Variants in CNTN4 observed in about 807,000 individuals in gnomAD.
The protein encoded by CNTN4 is contactin 4.
CNTN4 carries 77 observed loss-of-function variants against 122.5 expected under a neutral mutation model. That is an observed-to-expected ratio of 0.63 (90% CI 0.52 to 0.76). The LOEUF (loss-of-function observed/expected upper bound fraction) is 0.76. CNTN4 is among the 30% of genes least tolerant of loss of function. The pLI is 0.00. For missense variants in CNTN4, 1,256 were observed against 1,259.1 expected (o/e 1.00, Z 0.04); for synonymous variants, 512 against 447.0 (o/e 1.15, Z -1.83).
intron 2 of CNTN4, among the ~76,000 whole-genome samples, chr3:2,202,805 G>A (rs2038160727): frequency 6.6e-6 from 1 of 151,498 alleles, no homozygotes; most frequent in South Asian, 2.1e-4. Flanking sequence ...GAATTGCCAT[G>A]TGTTTTTTGT....
chr3:2,713,872 A>T (rs771644012), intron 4 of CNTN4, among the ~76,000 whole-genome samples: 1 of 152,320 alleles, frequency 6.6e-6, no homozygotes, highest in Non-Finnish European at 1.5e-5. Context: ...TTGCCTTGGG[A>T]AAGGAACTTA....
Position 2,842,038 on chromosome 3 carries a change from C to T in CNTN4, c.454+22457C>T, listed in dbSNP as rs374767722. 7.2e-5 allele frequency among the ~76,000 whole-genome samples: 11 copies of T among 152,032 alleles called. 1 individual carries two copies. The South Asian group carries it at 2.3e-3, about 32-fold the overall frequency. ...ATGTTATTGAAGAGAAAATATTGAG[C>T]CTTCATCACCATTTAAAATATTCTT... On this transcript the variant is annotated intron_variant, in intron 7 of 24. Coordinates refer to ENST00000418658, the MANE Select transcript of CNTN4 (RefSeq NM_175607.3).
At chr3:3,017,532 C>T (rs1422525876) in intron 14 of CNTN4, among the ~76,000 whole-genome samples, 3 of 152,206 alleles carry the variant, frequency 2.0e-5, no homozygotes, top group Non-Finnish European at 4.4e-5. Flanking sequence ...CTTCCAGGAA[C>T]CTGGGGCAGA....
At chr3:2,105,573 G>A (rs2032372285) in intron 2 of CNTN4, among the ~76,000 whole-genome samples, 2 of 152,106 alleles carry the variant, frequency 1.3e-5, no homozygotes, top group Admixed American at 1.3e-4. Context: ...GATCTCATGA[G>A]AACTCACAAT....
intron 7 of CNTN4, among the ~76,000 whole-genome samples, chr3:2,829,787 T>C (rs2093063988): frequency 6.6e-6 from 1 of 152,230 alleles, no homozygotes; most frequent in Non-Finnish European, 1.5e-5. Flanking sequence ...ATTATAGTCT[T>C]TTTATAGCTG....
chr3:2,854,418 G>C (rs184541148), intron 7 of CNTN4, among the ~76,000 whole-genome samples: 1 of 142,802 alleles, frequency 7.0e-6, no homozygotes, highest in African/African-American at 2.7e-5. Flanking sequence ...GATTACAGGC[G>C]CCTGCCACCA....
At chr3:2,594,629 C>G (rs2080674346) in intron 4 of CNTN4, among the ~76,000 whole-genome samples, 1 of 145,052 alleles carries the variant, frequency 6.9e-6, no homozygotes, top group South Asian at 2.4e-4. Context: ...ACCATGTTGG[C>G]CAGGCTGGTC....
chr3:2,451,328 T>C (rs1304430203), intron 3 of CNTN4, among the ~76,000 whole-genome samples: 4 of 152,062 alleles, frequency 2.6e-5, no homozygotes, highest in African/African-American at 9.7e-5. Flanking sequence ...TAATGTCTTT[T>C]GTAGGATTAT....
chr3:2,771,862 C>G (rs2091115874), intron 6 of CNTN4, among the ~76,000 whole-genome samples: 1 of 152,076 alleles, frequency 6.6e-6, no homozygotes, highest in African/African-American at 2.4e-5. Flanking sequence ...AGTAGGCTCC[C>G]CAAGAGAGAC....
intron 2 of CNTN4, among the ~76,000 whole-genome samples, chr3:2,146,229 A>G (rs553288179): frequency 9.3e-4 from 139 of 149,594 alleles, no homozygotes; most frequent in African/African-American, 2.6e-3. Flanking sequence ...ATTGACTTCT[A>G]TTAATTCAGT....
intron 7 of CNTN4, among the ~76,000 whole-genome samples, chr3:2,849,714 G>A (rs1252846991): frequency 2.0e-5 from 3 of 152,166 alleles, no homozygotes; most frequent in Admixed American, 6.5e-5. Flanking sequence ...AGGAATGCAC[G>A]TGATATATGA....
At position 2,662,313 on chromosome 3, in the gene CNTN4, T is replaced by C. The variant is rs141355788; in HGVS notation, c.56-73902T>C. ...TTACTAGAAATTTAGATCTCACTCA[T>C]ATAAGATTCAATGGAGGAGAGTGGC... On this transcript the variant is annotated intron_variant, in intron 4 of 24. Transcript: ENST00000418658. Among the ~76,000 whole-genome samples, 263 of 152,296 alleles carry C rather than the reference T, an allele frequency of 1.7e-3. 2 individuals are homozygous for C. The highest frequency in any genetic ancestry group is 7.7e-4 in the East Asian group (4 of 5,180).
chr3:2,808,927 C>T (rs78708654), intron 6 of CNTN4, among the ~76,000 whole-genome samples: 1,582 of 152,188 alleles, frequency 0.01, 41 homozygotes, highest in African/African-American at 0.036. Flanking sequence ...CAAGAAAGTT[C>T]ACCCTAGTCC....
intron 6 of CNTN4, among the ~76,000 whole-genome samples, chr3:2,784,564 G>C (rs2149897029): frequency 6.6e-6 from 1 of 152,270 alleles, no homozygotes; most frequent in East Asian, 1.9e-4. Context: ...TGCACTCTAA[G>C]GAAAGAAAGA....
intron 2 of CNTN4, among the ~76,000 whole-genome samples, chr3:2,200,420 C>T (rs899802578): frequency 2.6e-5 from 4 of 152,072 alleles, no homozygotes; most frequent in Non-Finnish European, 5.9e-5. Flanking sequence ...TGTTTCCTCC[C>T]GGGACATTTG....
chr3:2,824,024 G>A (rs1001277146), intron 7 of CNTN4, among the ~76,000 whole-genome samples: 3 of 152,044 alleles, frequency 2.0e-5, no homozygotes, highest in Admixed American at 6.5e-5. Flanking sequence ...TGGTTCCCAC[G>A]CACACCCCAC....
At chr3:2,547,745 A>G (rs1248240465) in intron 3 of CNTN4, among the ~76,000 whole-genome samples, 1 of 152,140 alleles carries the variant, frequency 6.6e-6, no homozygotes, top group Non-Finnish European at 1.5e-5. Context: ...CCTCCTTTAG[A>G]AGTTTTACAT....
At chr3:2,648,676 C>G (rs752249946) in intron 4 of CNTN4, among the ~76,000 whole-genome samples, 1 of 152,130 alleles carries the variant, frequency 6.6e-6, no homozygotes, top group Non-Finnish European at 1.5e-5. Flanking sequence ...AGGCCAATTA[C>G]TAACCCCACC....
intron 3 of CNTN4, among the ~76,000 whole-genome samples, chr3:2,396,145 C>T (rs184562885): frequency 6.6e-6 from 1 of 152,042 alleles, no homozygotes; most frequent in Non-Finnish European, 1.5e-5. Context: ...CCACCTCAGC[C>T]TTCTAATTAG....
Sources: gnomAD v4.1 joint callset for allele counts (sites outside exome capture counted in the v4.1 genomes callset) on GRCh38, gnomAD v4.1.1 for gene constraint, MANE v1.5 for transcripts, NCBI Gene and HGNC (gene_info 2026-07-23, HGNC 2026-07-21) for gene names.